PCDHGA10: variants seen among roughly 807,000 people sequenced by gnomAD.
PCDHGA10 encodes the protein protocadherin gamma subfamily A, 10.
A neutral mutation model predicts 59.5 loss-of-function variants in PCDHGA10; 42 were observed. The observed-to-expected ratio is 0.71, with a 90% CI of 0.55 to 0.91. The LOEUF is 0.91. PCDHGA10 is among the 40% of genes least tolerant of loss of function. The probability of loss-of-function intolerance (pLI) is 0.00; values close to 1 mark genes in which losing one functional copy is unlikely to be tolerated. For synonymous variants in PCDHGA10, 511 were observed against 517.2 expected (o/e 0.99, Z 0.16); for missense variants, 1,111 against 1,198.2 (o/e 0.93, Z 1.07).
At position 141,477,532 on chromosome 5, in the gene PCDHGA10, CG is replaced by C; in HGVS notation, c.2437-17271del. 6.2e-7 allele frequency: 1 copy of C among 1,614,146 alleles called. No individual in the cohort carries two copies. The highest frequency in any genetic ancestry group is 8.5e-7 in the Non-Finnish European group (1 of 1,180,028). Reference sequence around the variant, plus strand: ...TTTACATTGAAGAAAACAACCTCCCCGGGGCTCCAATACTAAACCTAAGTGT... The same window carrying C: ...TTTACATTGAAGAAAACAACCTCCCCGGGCTCCAATACTAAACCTAAGTGT... On this transcript the variant is annotated intron_variant, in intron 1 of 3. Transcript: ENST00000398610. This position sits in a 1 kb window ranked among gnomAD's most constrained non-coding sequence, Gnocchi z 4.9.
chr5:141,476,803 T>G lies in PCDHGA10; in HGVS notation c.2437-18004T>G, dbSNP rs756358461. 3 of 1,613,688 alleles carry G rather than the reference T, an allele frequency of 1.9e-6. No individual in the cohort carries two copies. The highest frequency in any genetic ancestry group is 2.2e-5 in the South Asian group (2 of 91,092). ...CCCCAGCTCTCTCCGCCAGCCTGCCTATTCACATCAAGGTGCTGGACGCGA... is the reference window on the plus strand; with the variant it reads ...CCCCAGCTCTCTCCGCCAGCCTGCCGATTCACATCAAGGTGCTGGACGCGA... On this transcript the variant is annotated intron_variant, in intron 1 of 3. Transcript: ENST00000398610. The surrounding 1 kb of genome is among the most constrained non-coding windows in gnomAD (Gnocchi z 7.6).
At chr5:141,478,169 G>T in intron 1 of PCDHGA10, 1 of 1,613,834 alleles carries the variant, frequency 6.2e-7, no homozygotes, top group Non-Finnish European at 8.5e-7. Flanking sequence ...TGCCCCCCGG[G>T]AGCAGAAAAA....
rs369551410 is a variant in PCDHGA10, at chr5:141,415,294, G to A, written c.2119G>A (p.Val707Ile). ...LVVAVAAVSC[V>I]FLAFVIVLLA... is the part of the protein sequence containing the mutation. ...GGTAGCGGTGGCCGCGGTCTCCTGC[G>A]TCTTCCTGGCCTTCGTCATCGTGCT... The change falls in exon 1 of 4, where the codon GTC becomes ATC. Residue 707 changes from valine to isoleucine, a missense_variant. Transcript: ENST00000398610. 10 of 1,614,050 alleles carry A rather than the reference G, an allele frequency of 6.2e-6. No homozygotes were observed. In the African/African-American group the frequency reaches 1.1e-4, roughly 17 times the overall value.
chr5:141,415,761 T>A (rs1047830043), intron 1 of PCDHGA10, 150 bp downstream of exon 1: 2 of 1,399,648 alleles, frequency 1.4e-6, no homozygotes, highest in African/African-American at 3.0e-5. Context: ...TTTTTTTTTT[T>A]TTTTTTTTTT....
intron 1 of PCDHGA10, chr5:141,417,914 C>T: frequency 6.2e-7 from 1 of 1,602,320 alleles, no homozygotes; most frequent in Non-Finnish European, 8.5e-7. Context: ...GGTACTATTT[C>T]CTTTGCTGCT....
At chr5:141,470,242 T>C (rs1301513342) in intron 1 of PCDHGA10, among the ~76,000 whole-genome samples, 1 of 152,344 alleles carries the variant, frequency 6.6e-6, no homozygotes, top group South Asian at 2.1e-4. Flanking sequence ...CCCTTGAATG[T>C]CCCACCTGTC....
At position 141,434,489 on chromosome 5, in the gene PCDHGA10, C is replaced by G. The variant is rs921000136; in HGVS notation, c.2436+18878C>G. On this transcript the variant is annotated intron_variant, in intron 1 of 3. Coordinates refer to ENST00000398610, the MANE Select transcript of PCDHGA10 (RefSeq NM_018913.3). ...GAATGAGGGCAAGGAACACCTGGCC[C>G]GCCCAGGGCAGAAAACTGCTTAAAG... Among the ~76,000 whole-genome samples, 8 of 152,158 alleles carry G rather than the reference C, an allele frequency of 5.3e-5. 1 individual carries two copies. The highest frequency in any genetic ancestry group is 2.6e-4 in the Admixed American group (4 of 15,284).
chr5:141,505,270 G>C, intron 2 of PCDHGA10, 123 bp from the exon 3 acceptor site: 1 of 1,520,726 alleles, frequency 6.6e-7, no homozygotes, highest in African/African-American at 1.4e-5. Context: ...CTTGCTGAGA[G>C]AAACAGGTCT....
At chr5:141,459,814 T>A (rs757306281) in intron 1 of PCDHGA10, among the ~76,000 whole-genome samples, 2 of 152,256 alleles carry the variant, frequency 1.3e-5, no homozygotes, top group African/African-American at 4.8e-5. Context: ...CTAGAGACAC[T>A]GAGCAACTTT....
intron 1 of PCDHGA10, chr5:141,430,854 G>A (rs140440273): frequency 5.0e-6 from 8 of 1,587,648 alleles, no homozygotes; most frequent in Middle Eastern, 1.7e-4. Flanking sequence ...ACCCAGATAC[G>A]CTATTCAGTT....
chr5:141,445,188 G>A (rs1267342449), intron 1 of PCDHGA10, among the ~76,000 whole-genome samples: 5 of 152,198 alleles, frequency 3.3e-5, no homozygotes, highest in South Asian at 2.1e-4. Flanking sequence ...ATGTTTTTAT[G>A]TATTCTATAT....
chr5:141,422,494 T>G lies in PCDHGA10; in HGVS notation c.2436+6883T>G, dbSNP rs772798862. On this transcript the variant is annotated intron_variant, in intron 1 of 3. Transcript: ENST00000398610. ...GTTGGTCCAGAGCTACAATATAACG[T>G]TGACAGCCACAGACCAGGGAAGCCC... The G allele has an allele frequency of 3.5e-5, 56 of 1,613,848 alleles. No homozygotes were observed. Among genetic ancestry groups the G allele is most frequent in the Non-Finnish European group, 1.0e-5 (12 of 1,179,896 alleles).
In PCDHGA10 at chr5:141,413,970, G is replaced by A; in HGVS notation, c.795G>A (p.Leu265=). 6.2e-7 allele frequency: 1 copy of A among 1,613,450 alleles called. No homozygotes were observed. Among genetic ancestry groups the A allele is most frequent in the Non-Finnish European group, 8.5e-7 (1 of 1,179,846 alleles). The part of the protein sequence containing the change: ...VPENLPVGTQ[L]LTVTATDRDE... ...AGAATTTGCCTGTGGGCACTCAGCT[G>A]CTGACAGTCACAGCCACCGACAGGG... Residue 265 remains leucine (L), a synonymous_variant, in exon 1 of 4, where the codon CTG becomes CTA. Coordinates refer to ENST00000398610, the MANE Select transcript of PCDHGA10 (RefSeq NM_018913.3).
intron 1 of PCDHGA10, chr5:141,427,201 A>G (rs1272966114): frequency 4.4e-6 from 2 of 456,618 alleles, no homozygotes; most frequent in African/African-American, 4.0e-5. Flanking sequence ...GACTTAATAG[A>G]CTTCGAATTT....
intron 1 of PCDHGA10, chr5:141,418,621 C>T: frequency 6.2e-7 from 1 of 1,614,034 alleles, no homozygotes; most frequent in Non-Finnish European, 8.5e-7. Flanking sequence ...TTCGGGAAGA[C>T]GTGCCTCCAG....
At chr5:141,418,908 C>T (rs1037628215) in intron 1 of PCDHGA10, 1 of 1,613,814 alleles carries the variant, frequency 6.2e-7, no homozygotes, top group Non-Finnish European at 8.5e-7. Context: ...ATAATCATCA[C>T]GTCACTCTCT....
chr5:141,472,307 C>T (rs949288194), intron 1 of PCDHGA10, among the ~76,000 whole-genome samples: 2 of 150,368 alleles, frequency 1.3e-5, no homozygotes, highest in Admixed American at 6.6e-5. Flanking sequence ...TTTGGGAAGC[C>T]GAGGCAGGCA....
rs771681529 is a variant in PCDHGA10 at position 141,486,617 on chromosome 5, C to T, written c.2437-8190C>T. The T allele has an allele frequency of 1.2e-6, 2 of 1,613,602 alleles. No individual in the cohort carries two copies. Among genetic ancestry groups the T allele is most frequent in the Non-Finnish European group, 1.7e-6 (2 of 1,180,036 alleles). On this transcript the variant is annotated intron_variant, in intron 1 of 3. Coordinates refer to ENST00000398610, the MANE Select transcript of PCDHGA10 (RefSeq NM_018913.3). The surrounding 1 kb of genome is among the most constrained non-coding windows in gnomAD (Gnocchi z 5.0). ...GCTTTGCTCCCTTGCAGCCTCTGAC[C>T]CAGACTCTGGCTTGAATGCGCTTAT...
intron 2 of PCDHGA10, among the ~76,000 whole-genome samples, chr5:141,502,358 TA>T (rs1283802909): frequency 6.6e-6 from 1 of 152,134 alleles, no homozygotes; most frequent in African/African-American, 2.4e-5. Context: ...ATGACATGGA[TA>T]TTTTTAAAGA....
Sources: gnomAD v4.1 joint callset for allele counts (sites outside exome capture counted in the v4.1 genomes callset) on GRCh38, gnomAD v4.1.1 for gene constraint, Gnocchi (gnomAD v3.1) non-coding constraint, MANE v1.5 for transcripts, NCBI Gene and HGNC (gene_info 2026-07-23, HGNC 2026-07-21) for gene names.